ZMYND19: variants seen among roughly 807,000 people sequenced by gnomAD.
ZMYND19 encodes zinc finger MYND-type containing 19.
ZMYND19 carries 17 observed loss-of-function variants against 32.0 expected under a neutral mutation model. The ratio of observed to expected loss-of-function variants is 0.53; its 90% CI spans 0.36 to 0.80. ZMYND19 has a LOEUF of 0.80. ZMYND19 is among the 30% of genes least tolerant of loss of function. The pLI, the probability that ZMYND19 is intolerant of heterozygous loss-of-function variation, is 0.00. For synonymous variants in ZMYND19, 124 were observed against 113.6 expected, an observed-to-expected ratio of 1.09 and a Z score of -0.58; for missense variants, 250 against 293.6, an observed-to-expected ratio of 0.85 and a Z score of 1.09.
rs899525237 is a variant in ZMYND19, at chr9:137,589,533, G to A, written c.51+680C>T. The A allele has an allele frequency of 1.5e-5, 15 of 985,330 alleles. No homozygotes were observed. In the African/African-American group the frequency reaches 2.3e-4, roughly 15 times the overall value. 61.0% of individuals were successfully genotyped at this position (985,330 alleles called of 1,614,324 possible). On this transcript the variant is annotated intron_variant, in intron 1 of 5. Coordinates refer to ENST00000298585, the MANE Select transcript of ZMYND19 (RefSeq NM_138462.3). Reference sequence around the variant, plus strand: ...GCTGCACAGGTGGCTCCGAGAAACCGCCAAGCCTCAATGCCCACAGGTGCC... The same window carrying A: ...GCTGCACAGGTGGCTCCGAGAAACCACCAAGCCTCAATGCCCACAGGTGCC...
At chr9:137,586,659 G>A (rs1475835997) in intron 4 of ZMYND19, among the ~76,000 whole-genome samples, 2 of 152,178 alleles carry the variant, frequency 1.3e-5, no homozygotes, top group Admixed American at 6.5e-5. Context: ...TGCTCACACC[G>A]AGTCCCGACG....
chr9:137,583,063 C>T lies in ZMYND19; in HGVS notation c.460G>A (p.Gly154Arg). ...TTCTCCTCCTCTTCCACTACATCCC[C>T]GTTGGCATTATAATACCGGGTCACA... Reference protein sequence around the residue: ...LNVTRYYNANGDVVEEEENSC... With the variant: ...LNVTRYYNANRDVVEEEENSC... The change falls in exon 5 of 6, where the codon GGG becomes AGG. Residue 154 changes from glycine to arginine, a missense_variant. Physicochemically the swap from Gly to Arg is moderately radical, Grantham distance 125 (BLOSUM62 -2). Coordinates refer to ENST00000298585, the MANE Select transcript of ZMYND19 (RefSeq NM_138462.3). 4 of 1,614,196 alleles carry T rather than the reference C, an allele frequency of 2.5e-6. No individual in the cohort carries two copies. The highest frequency in any genetic ancestry group is 1.1e-5 in the South Asian group (1 of 91,078).
At chr9:137,582,857 A>G in intron 5 of ZMYND19, 126 bp downstream of exon 5, 1 of 1,508,710 alleles carries the variant, frequency 6.6e-7, no homozygotes, top group Non-Finnish European at 8.9e-7. Context: ...ACTCTGGTGG[A>G]AAAGCCCAAG....
rs551292673 is a variant in ZMYND19 at position 137,583,272 on chromosome 9, C to T, written c.360-109G>A. 26 of 1,235,220 alleles carry T rather than the reference C, an allele frequency of 2.1e-5. No homozygotes were observed. The East Asian group carries it at 2.8e-4, about 13-fold the overall frequency. 76.5% of individuals were successfully genotyped at this position (1,235,220 alleles called of 1,614,324 possible). On this transcript the variant is annotated intron_variant, in intron 4 of 5. Coordinates refer to ENST00000298585, the MANE Select transcript of ZMYND19 (RefSeq NM_138462.3). ...GCCATCCTGCCCAGGACACCCAGCCCGAGTTTGAGTCTCCTTTGGCCCATC... is the reference window on the plus strand; with the variant it reads ...GCCATCCTGCCCAGGACACCCAGCCTGAGTTTGAGTCTCCTTTGGCCCATC...
At chr9:137,583,611 A>C (rs1842171482) in intron 4 of ZMYND19, among the ~76,000 whole-genome samples, 1 of 99,282 alleles carries the variant, frequency 1.0e-5, no homozygotes, top group Admixed American at 1.1e-4. Flanking sequence ...GAGTTCTACC[A>C]AGAACGGAGC....
intron 4 of ZMYND19, among the ~76,000 whole-genome samples, chr9:137,585,464 A>C (rs1842194230): frequency 1.3e-5 from 2 of 151,792 alleles, no homozygotes; most frequent in South Asian, 4.2e-4. Flanking sequence ...CCCTGAAGCC[A>C]GGAGTTCAAG....
At chr9:137,589,992 G>GGTGCACCCCAGAGCCGAGGGGTGC in intron 1 of ZMYND19, 1 of 985,244 alleles carries the variant, frequency 1.0e-6, no homozygotes, top group Non-Finnish European at 1.2e-6. Context: ...AGGGTGGCCA[G>GGTGCACCCCAGAGCCGAGGGGTGC]GTGCACCCCA....
rs748071983 is a variant in ZMYND19, at chr9:137,587,095, C to A, written c.231G>T (p.Arg77=). 6.2e-7 allele frequency: 1 copy of A among 1,605,896 alleles called. No individual in the cohort carries two copies. Among genetic ancestry groups the A allele is most frequent in the African/African-American group, 1.3e-5 (1 of 75,056 alleles). Residue 77 remains arginine (R), a synonymous_variant, in exon 4 of 6, where the codon CGG becomes CGT. Transcript: ENST00000298585. The stretch of plus-strand genomic sequence containing the variant: ...CCTGGAAGCCCGGGGCCACGCCCCC[C>A]CGGTGCCGCTCCCTAGAAACAGACA... The part of the protein sequence containing the change: ...LLHELLWERH[R]GGVAPGFQVV...
chr9:137,586,491 A>G (rs113870804), intron 4 of ZMYND19, among the ~76,000 whole-genome samples: 75 of 151,346 alleles, frequency 5.0e-4, no homozygotes, highest in African/African-American at 1.7e-3. Context: ...GAGAGAAGGA[A>G]GGAATCCCGA....
intron 4 of ZMYND19, 84 bp downstream of exon 4, chr9:137,586,883 G>C: frequency 2.6e-6 from 4 of 1,561,556 alleles, no homozygotes; most frequent in Non-Finnish European, 3.5e-6. Context: ...AGGAACAGGA[G>C]ACCCTCTTGG....
At chr9:137,584,989 T>A (rs538031918) in intron 4 of ZMYND19, among the ~76,000 whole-genome samples, 1 of 152,224 alleles carries the variant, frequency 6.6e-6, no homozygotes, top group Admixed American at 6.5e-5. Flanking sequence ...ACTAACATAA[T>A]CCCCGAAAGA....
chr9:137,588,582 G>A, intron 2 of ZMYND19, 77 bp downstream of exon 2: 1 of 1,530,220 alleles, frequency 6.5e-7, no homozygotes, highest in Non-Finnish European at 9.0e-7. Context: ...GCAGCACAGG[G>A]GAGAGAGCTC....
At chr9:137,589,070 G>A in intron 1 of ZMYND19, 1 of 246,460 alleles carries the variant, frequency 4.1e-6, no homozygotes, top group Non-Finnish European at 7.8e-6. Flanking sequence ...AGCTGAGGGA[G>A]GGGCCGGGGC....
At chr9:137,584,542 G>A (rs538003712) in intron 4 of ZMYND19, among the ~76,000 whole-genome samples, 1 of 152,326 alleles carries the variant, frequency 6.6e-6, no homozygotes, top group South Asian at 2.1e-4. Flanking sequence ...ACCATGGCAG[G>A]GACAGAAGGC....
At chr9:137,582,853 G>T in intron 5 of ZMYND19, 130 bp downstream of exon 5, 8 of 1,508,696 alleles carry the variant, frequency 5.3e-6, no homozygotes, top group Non-Finnish European at 7.1e-6. Flanking sequence ...GACCACTCTG[G>T]TGGAAAAGCC....
chr9:137,582,599 T>G lies in ZMYND19; in HGVS notation c.628A>C (p.Lys210Gln), dbSNP rs372114023. The change falls in exon 6 of 6, where the codon AAG (lysine) becomes CAG (glutamine). Residue 210 changes from lysine (K) to glutamine (Q), a missense_variant. Lys to Gln is a moderately conservative substitution (Grantham distance 53, BLOSUM62 1). This residue lies in a region of ZMYND19 where 38 missense variants were observed against 74.9 expected (regional missense o/e 0.51). Coordinates refer to ENST00000298585, the MANE Select transcript of ZMYND19 (RefSeq NM_138462.3). ...GGACGCTTCCTCTCCCGACAGTGCT[T>G]CTTGTGGGCAGGCCAGTCCTTCTGC... is the stretch of plus-strand genomic sequence containing the variant. ...CQQKDWPAHK[K>Q]HCRERKRPFQ... The G allele has an allele frequency of 3.1e-6, 5 of 1,613,522 alleles. No homozygotes were observed. Among genetic ancestry groups the G allele is most frequent in the Non-Finnish European group, 3.4e-6 (4 of 1,180,030 alleles).
chr9:137,589,811 C>A (rs1175852000), intron 1 of ZMYND19: 11 of 985,362 alleles, frequency 1.1e-5, no homozygotes, highest in Non-Finnish European at 1.3e-5. Context: ...TCGGAAAGGG[C>A]GCTGTGTTTA....
Position 137,590,192 on chromosome 9 carries a change from C to G in ZMYND19, c.51+21G>C. The G allele has an allele frequency of 9.3e-7, 1 of 1,073,782 alleles. No homozygotes were observed. The highest frequency in any genetic ancestry group is 1.1e-6 in the Non-Finnish European group (1 of 882,494). 66.5% of individuals were successfully genotyped at this position (1,073,782 alleles called of 1,614,324 possible). The stretch of plus-strand genomic sequence containing the variant: ...CCTGGACGGGCGAGACGGGCCGGGT[C>G]GCGGGCTCCGCGCCGCTCACCTTCC... On this transcript the variant is annotated intron_variant, in intron 1 of 5. Coordinates refer to ENST00000298585, the MANE Select transcript of ZMYND19 (RefSeq NM_138462.3). The surrounding 1 kb of genome is among the most constrained non-coding windows in gnomAD (Gnocchi z 4.2).
At chr9:137,589,883 G>A in intron 1 of ZMYND19, 1 of 985,418 alleles carries the variant, frequency 1.0e-6, no homozygotes, top group South Asian at 4.7e-5. Context: ...CGACACCACT[G>A]GGAGGGCTCC....
Sources: allele counts gnomAD v4.1 joint callset (sites outside exome capture counted in the v4.1 genomes callset), GRCh38; gene constraint gnomAD v4.1.1; regional missense constraint gnomAD v4.1.1; non-coding constraint Gnocchi (gnomAD v3.1); transcripts MANE v1.5; gene names NCBI Gene and HGNC (gene_info 2026-07-23, HGNC 2026-07-21).